The following KCNIP4 variants were observed in gnomAD, a reference collection of about 807,000 sequenced individuals.
KCNIP4 encodes the protein Kv channel-interacting protein 4.
In KCNIP4, 12 loss-of-function variants were observed where a neutral mutation model predicts 34.0. The ratio of observed to expected loss-of-function variants is 0.35; its 90% CI spans 0.23 to 0.57. The LOEUF (loss-of-function observed/expected upper bound fraction) is 0.57. KCNIP4 is among the 20% of genes least tolerant of loss of function. The probability of loss-of-function intolerance (pLI) is 0.83; values close to 1 mark genes in which losing one functional copy is unlikely to be tolerated. For synonymous variants in KCNIP4, 124 were observed against 102.2 expected (o/e 1.21, Z -1.29); for missense variants, 238 against 311.7 (o/e 0.76, Z 1.78).
At chr4:21,057,748 A>C (rs755976235) in intron 1 of KCNIP4, among the ~76,000 whole-genome samples, 1 of 152,224 alleles carries the variant, frequency 6.6e-6, no homozygotes, top group Non-Finnish European at 1.5e-5. Flanking sequence ...TTTCACAGAA[A>C]AATTCTCATG....
At chr4:21,863,956 CA>C (rs150931879) in intron 1 of KCNIP4, among the ~76,000 whole-genome samples, 54,557 of 152,066 alleles carry the variant, frequency 0.36, 11,470 homozygotes, top group Non-Finnish European at 0.49. Flanking sequence ...TGCTTTAACA[CA>C]AAAACAATTA....
chr4:21,640,507 A>T (rs375829993), intron 1 of KCNIP4, among the ~76,000 whole-genome samples: 2 of 152,220 alleles, frequency 1.3e-5, no homozygotes, highest in East Asian at 3.9e-4. Flanking sequence ...AAACCTTGGA[A>T]TCTCTTATTC....
At chr4:21,628,316 C>G (rs1035519104) in intron 1 of KCNIP4, among the ~76,000 whole-genome samples, 1 of 152,168 alleles carries the variant, frequency 6.6e-6, no homozygotes, top group Non-Finnish European at 1.5e-5. Context: ...CCCATGCATA[C>G]CTCAATCCTG....
chr4:21,083,722 G>A (rs562442932), intron 1 of KCNIP4, among the ~76,000 whole-genome samples: 2 of 151,994 alleles, frequency 1.3e-5, no homozygotes, highest in East Asian at 3.9e-4. Flanking sequence ...CTGGCTTCTG[G>A]CCTTCCTAAC....
intron 1 of KCNIP4, among the ~76,000 whole-genome samples, chr4:21,881,290 A>G (rs1466446302): frequency 6.6e-6 from 1 of 152,182 alleles, no homozygotes. Flanking sequence ...TAAACGTGCT[A>G]TCATAATAGG....
intron 1 of KCNIP4, among the ~76,000 whole-genome samples, chr4:21,637,402 T>G (rs1433309158): frequency 2.0e-5 from 3 of 152,148 alleles, no homozygotes; most frequent in African/African-American, 7.2e-5. Context: ...ACGAGCACTG[T>G]GCTAAGCAAC....
chr4:21,893,051 C>G (rs1487311359), intron 1 of KCNIP4, among the ~76,000 whole-genome samples: 1 of 152,182 alleles, frequency 6.6e-6, no homozygotes, highest in Non-Finnish European at 1.5e-5. Flanking sequence ...GTTACAGACA[C>G]AATGACATTT....
chr4:21,321,237 C>T (rs117662626), intron 1 of KCNIP4, among the ~76,000 whole-genome samples: 1,725 of 152,216 alleles, frequency 0.011, 25 homozygotes, highest in South Asian at 0.046. Flanking sequence ...AGGTTTCAGC[C>T]TTGAATCCTG....
intron 1 of KCNIP4, among the ~76,000 whole-genome samples, chr4:21,734,815 C>T (rs1168037320): frequency 1.3e-5 from 2 of 152,040 alleles, no homozygotes; most frequent in Admixed American, 6.6e-5. Flanking sequence ...TTGGCATTCA[C>T]CCAGAGGAGC....
In KCNIP4 at chr4:20,802,543, C is replaced by T. The variant is rs1266784509; in HGVS notation, c.289-43653G>A. On this transcript the variant is annotated intron_variant, in intron 3 of 8. Coordinates refer to ENST00000382152, the MANE Select transcript of KCNIP4 (RefSeq NM_025221.6). ...TACAAAACTGTCCATCTAATAGCTG[C>T]AGAATACACAACTTTTTTCACACAT... 2.6e-5 allele frequency among the ~76,000 whole-genome samples: 4 copies of T among 152,166 alleles called. No individual in the cohort carries two copies. The East Asian group carries it at 7.7e-4, about 29-fold the overall frequency.
At chr4:20,761,513 A>C (rs1754959122) in intron 3 of KCNIP4, among the ~76,000 whole-genome samples, 1 of 152,170 alleles carries the variant, frequency 6.6e-6, no homozygotes, top group Non-Finnish European at 1.5e-5. Context: ...TTGGCTATTT[A>C]ATGCTAAGCC....
At chr4:20,843,537 C>G (rs1325352447) in intron 3 of KCNIP4, among the ~76,000 whole-genome samples, 1 of 152,120 alleles carries the variant, frequency 6.6e-6, no homozygotes, top group Non-Finnish European at 1.5e-5. Flanking sequence ...CTAGACCAGC[C>G]TGGCCAACAT....
intron 1 of KCNIP4, among the ~76,000 whole-genome samples, chr4:21,676,334 T>C (rs901421684): frequency 6.6e-6 from 1 of 152,188 alleles, no homozygotes; most frequent in South Asian, 2.1e-4. Flanking sequence ...AAGAGTGACA[T>C]TTCCAAAGTC....
At position 21,177,145 on chromosome 4, in the gene KCNIP4, T is replaced by C. The variant is rs143622219; in HGVS notation, c.62-294436A>G. ...CAAGAGTTATTGAATGCCTACTATATATAGGATTCAAATCCCTGCATTGTG... is the reference window on the plus strand; with the variant it reads ...CAAGAGTTATTGAATGCCTACTATACATAGGATTCAAATCCCTGCATTGTG... On this transcript the variant is annotated intron_variant, in intron 1 of 8. Coordinates refer to ENST00000382152, the MANE Select transcript of KCNIP4 (RefSeq NM_025221.6). Among the ~76,000 whole-genome samples, 11 of 152,168 alleles carry C rather than the reference T, an allele frequency of 7.2e-5. No homozygotes were observed. In the East Asian group the frequency reaches 1.7e-3, roughly 24 times the overall value.
chr4:21,444,515 T>A lies in KCNIP4; in HGVS notation c.61+504056A>T, dbSNP rs1019041344. On this transcript the variant is annotated intron_variant, in intron 1 of 8. Coordinates refer to ENST00000382152, the MANE Select transcript of KCNIP4 (RefSeq NM_025221.6). ...TAATCCAGCATATAAACAGAACCAA[T>A]GACAAAAACCACATGATTATCTCAA... Among the ~76,000 whole-genome samples, 6 of 152,204 alleles carry A rather than the reference T, an allele frequency of 3.9e-5. No homozygotes were observed. In the East Asian group the frequency reaches 1.2e-3, roughly 29 times the overall value.
intron 1 of KCNIP4, among the ~76,000 whole-genome samples, chr4:21,809,060 G>T (rs1412627658): frequency 2.6e-5 from 4 of 152,202 alleles, no homozygotes; most frequent in African/African-American, 9.7e-5. Context: ...CAACTTGACT[G>T]GGCTGTGGGA....
chr4:20,833,859 T>C (rs764356925), intron 3 of KCNIP4, among the ~76,000 whole-genome samples: 4 of 152,190 alleles, frequency 2.6e-5, no homozygotes, highest in Non-Finnish European at 5.9e-5. Flanking sequence ...ATTTTATAAA[T>C]AGTTTGTAAA....
chr4:20,856,391 A>G (rs1007438406), intron 2 of KCNIP4, among the ~76,000 whole-genome samples: 29 of 152,192 alleles, frequency 1.9e-4, no homozygotes, highest in Non-Finnish European at 3.7e-4. Flanking sequence ...CTCATTTCTG[A>G]AGCCTCTCTG....
At chr4:21,381,159 G>A (rs1403417085) in intron 1 of KCNIP4, among the ~76,000 whole-genome samples, 1 of 152,158 alleles carries the variant, frequency 6.6e-6, no homozygotes, top group Non-Finnish European at 1.5e-5. Context: ...TGAGAGAAGG[G>A]ACGAGATGTC....
Sources: gnomAD v4.1 joint callset for allele counts (sites outside exome capture counted in the v4.1 genomes callset) on GRCh38, gnomAD v4.1.1 for gene constraint, MANE v1.5 for transcripts, NCBI Gene and HGNC (gene_info 2026-07-23, HGNC 2026-07-21) for gene names.